Variants in E2F3 observed in about 807,000 individuals in gnomAD.
E2F3 encodes E2F transcription factor 3.
A neutral mutation model predicts 44.4 loss-of-function variants in E2F3; 11 were observed. That is an observed-to-expected ratio of 0.25 (90% confidence interval 0.16 to 0.41). The LOEUF is 0.41. Among genes scored for constraint, E2F3 ranks in the 10% least tolerant of loss-of-function variants. The probability of loss-of-function intolerance (pLI) is 1.00; values close to 1 mark genes in which losing one functional copy is unlikely to be tolerated. For missense variants in E2F3, 487 were observed against 583.6 expected (o/e 0.83, Z 1.70); for synonymous variants, 249 against 253.0 (o/e 0.98, Z 0.15).
In E2F3 at chr6:20,402,843, G is replaced by A. The variant is rs184141332; in HGVS notation, c.393+218G>A. Reference sequence around the variant, plus strand: ...TCGGCCAGGCGCGCGGGGCGGCGGGGATTGCCTTGGCGCGAACCACATCAA... The same window carrying A: ...TCGGCCAGGCGCGCGGGGCGGCGGGAATTGCCTTGGCGCGAACCACATCAA... On this transcript the variant is annotated intron_variant, in intron 1 of 6. Coordinates refer to ENST00000346618, the MANE Select transcript of E2F3 (RefSeq NM_001949.5). The surrounding 1 kb of genome is among the most constrained non-coding windows in gnomAD (Gnocchi z 5.6). Among the ~76,000 whole-genome samples the A allele has an allele frequency of 3.7e-3, 569 of 152,256 alleles. 2 individuals are homozygous for A. The highest frequency in any genetic ancestry group is 0.013 in the African/African-American group (554 of 41,564).
At chr6:20,481,504 C>A in intron 3 of E2F3, 79 bp downstream of exon 3, 1 of 1,213,442 alleles carries the variant, frequency 8.2e-7, no homozygotes, top group South Asian at 1.3e-5. Flanking sequence ...CTCACTTTCA[C>A]ATCCACGCCC....
rs1359284043 is a variant in E2F3 at position 20,402,532 on chromosome 6, C to G, written c.300C>G (p.Tyr100Ter). 6.3e-7 allele frequency: 1 copy of G among 1,597,160 alleles called. No homozygotes were observed. The highest frequency in any genetic ancestry group is 8.5e-7 in the Non-Finnish European group (1 of 1,177,966). The change falls in exon 1 of 7, where the codon TAC becomes TAG. Residue 100 changes from tyrosine (Y) to a stop codon, truncating the protein, a stop_gained. Coordinates refer to ENST00000346618, the MANE Select transcript of E2F3 (RefSeq NM_001949.5). LOFTEE classifies it high-confidence loss of function. The surrounding 1 kb of genome is among the most constrained non-coding windows in gnomAD (Gnocchi z 5.6). Reference protein sequence around the residue: ...GAEQTAGSLLYTTPHGPSSRA... With the variant: ...GAEQTAGSLL ...AGCAGACCGCCGGCAGCCTCCTCTA[C>G]ACCACGCCGCACGGACCCTCCAGCA...
Position 20,486,764 on chromosome 6 carries a change from C to G in E2F3, c.960C>G (p.Ala320=). ...LKDQTVIVVK[A]PPETRLEVPD... is the part of the protein sequence containing the mutation. ...ACCAAACTGTTATAGTTGTGAAAGC[C>G]CCTCCAGAAACAAGACTTGAAGTGC... The change falls in exon 5 of 7, where the codon GCC becomes GCG. Residue 320 remains alanine, a synonymous_variant. Coordinates refer to ENST00000346618, the MANE Select transcript of E2F3 (RefSeq NM_001949.5). 1 of 1,613,312 alleles carries G rather than the reference C, an allele frequency of 6.2e-7. No individual in the cohort carries two copies. The highest frequency in any genetic ancestry group is 8.5e-7 in the Non-Finnish European group (1 of 1,179,752).
At chr6:20,423,650 T>C (rs984729787) in intron 1 of E2F3, among the ~76,000 whole-genome samples, 3 of 151,990 alleles carry the variant, frequency 2.0e-5, no homozygotes, top group Non-Finnish European at 2.9e-5. Flanking sequence ...TTTGTATTTT[T>C]AGTAGAGACA....
intron 1 of E2F3, among the ~76,000 whole-genome samples, chr6:20,420,559 C>T (rs78058695): frequency 0.18 from 28,086 of 152,106 alleles, 3,093 homozygotes; most frequent in South Asian, 0.32. Flanking sequence ...CATATGGAGT[C>T]TTTGGTTTCC....
intron 3 of E2F3, among the ~76,000 whole-genome samples, chr6:20,482,343 T>C (rs1762251662): frequency 2.0e-5 from 1 of 50,660 alleles, no homozygotes; most frequent in African/African-American, 6.9e-5. Flanking sequence ...TGTTTTTTTG[T>C]TTTTTTTTTT....
intron 1 of E2F3, among the ~76,000 whole-genome samples, chr6:20,425,174 G>T (rs1236634282): frequency 6.6e-6 from 1 of 152,182 alleles, no homozygotes; most frequent in Non-Finnish European, 1.5e-5. Flanking sequence ...TACAAGTCAA[G>T]TTGGGACCAC....
intron 1 of E2F3, among the ~76,000 whole-genome samples, chr6:20,407,919 A>G (rs1759544139): frequency 6.6e-6 from 1 of 152,234 alleles, no homozygotes; most frequent in South Asian, 2.1e-4. Flanking sequence ...AAGCCACCTG[A>G]AAGGTGGTAA....
chr6:20,490,208 T>G lies in E2F3; in HGVS notation c.1176T>G (p.Val392=). Reference sequence around the variant, plus strand: ...ACTCAGGACATAGCGATTGCTCAGTTTCTATGGGAAACCTTTCTCCTCTGG... The same window carrying G: ...ACTCAGGACATAGCGATTGCTCAGTGTCTATGGGAAACCTTTCTCCTCTGG... ...STNSGHSDCS[V]SMGNLSPLAS... is the part of the protein sequence containing the mutation. Residue 392 remains valine, a synonymous_variant, in exon 7 of 7, where the codon GTT becomes GTG. Transcript: ENST00000346618. The surrounding 1 kb of genome is among the most constrained non-coding windows in gnomAD (Gnocchi z 4.3). 2 of 1,613,956 alleles carry G rather than the reference T, an allele frequency of 1.2e-6. No homozygotes were observed. The highest frequency in any genetic ancestry group is 1.7e-6 in the Non-Finnish European group (2 of 1,179,944).
At chr6:20,446,632 C>T (rs1286394803) in intron 1 of E2F3, among the ~76,000 whole-genome samples, 1 of 152,216 alleles carries the variant, frequency 6.6e-6, no homozygotes, top group Non-Finnish European at 1.5e-5. Flanking sequence ...GTGGTGCAAT[C>T]TTGGCTCCCT....
At chr6:20,429,433 G>A (rs1431689224) in intron 1 of E2F3, among the ~76,000 whole-genome samples, 2 of 152,022 alleles carry the variant, frequency 1.3e-5, no homozygotes, top group East Asian at 1.9e-4. Context: ...CGGTGTATTC[G>A]CACTATGTTA....
chr6:20,440,380 A>G (rs947095958), intron 1 of E2F3, among the ~76,000 whole-genome samples: 1 of 152,244 alleles, frequency 6.6e-6, no homozygotes, highest in Non-Finnish European at 1.5e-5. Context: ...TTTTAACTTT[A>G]GCCCCAGCCT....
intron 1 of E2F3, among the ~76,000 whole-genome samples, chr6:20,471,749 T>C (rs1761897654): frequency 6.6e-6 from 1 of 152,146 alleles, no homozygotes; most frequent in Non-Finnish European, 1.5e-5. Flanking sequence ...TGTAGACACA[T>C]TGCTTTTTCA....
rs570543556 is a variant in E2F3 at position 20,491,446 on chromosome 6, G to A, written c.*1016G>A. The A allele has an allele frequency of 5.4e-5, 12 of 224,002 alleles. No homozygotes were observed. The East Asian group carries it at 5.8e-4, about 11-fold the overall frequency. 13.9% of individuals were successfully genotyped at this position (224,002 alleles called of 1,614,324 possible). On this transcript the variant is annotated 3_prime_UTR_variant, in exon 7 of 7. Transcript: ENST00000346618. ...TCCCATCGTGCTTCCATTCCCAGGAGGGGGAGCTTGGAGCGAGTCAGTCCT... is the reference window on the plus strand; with the variant it reads ...TCCCATCGTGCTTCCATTCCCAGGAAGGGGAGCTTGGAGCGAGTCAGTCCT...
At chr6:20,437,144 A>G (rs1760613984) in intron 1 of E2F3, among the ~76,000 whole-genome samples, 1 of 151,866 alleles carries the variant, frequency 6.6e-6, no homozygotes, top group Non-Finnish European at 1.5e-5. Flanking sequence ...ATTTAAAGTC[A>G]TTATTCCCAG....
At chr6:20,472,014 GC>G (rs371277694) in intron 1 of E2F3, among the ~76,000 whole-genome samples, 1 of 126,586 alleles carries the variant, frequency 7.9e-6, no homozygotes, top group Non-Finnish European at 1.6e-5. Flanking sequence ...ACTCCAGCCT[GC>G]CCCCCCTCCA....
chr6:20,428,372 G>A (rs1001243712), intron 1 of E2F3, among the ~76,000 whole-genome samples: 1 of 152,100 alleles, frequency 6.6e-6, no homozygotes, highest in African/African-American at 2.4e-5. Context: ...ATAGGCATAT[G>A]CCACCATGCC....
At chr6:20,455,847 G>C (rs1761293459) in intron 1 of E2F3, among the ~76,000 whole-genome samples, 1 of 152,022 alleles carries the variant, frequency 6.6e-6, no homozygotes, top group South Asian at 2.1e-4. Flanking sequence ...ACCAACCCTT[G>C]GGAACCCAGG....
chr6:20,480,519 T>C (rs903206897), intron 2 of E2F3, among the ~76,000 whole-genome samples: 16 of 152,226 alleles, frequency 1.1e-4, no homozygotes, highest in African/African-American at 3.9e-4. Context: ...TTAGACTTTG[T>C]TCTCTCTCTT....
Sources: allele counts gnomAD v4.1 joint callset (sites outside exome capture counted in the v4.1 genomes callset), GRCh38; gene constraint gnomAD v4.1.1; non-coding constraint Gnocchi (gnomAD v3.1); transcripts MANE v1.5; gene names NCBI Gene and HGNC (gene_info 2026-07-23, HGNC 2026-07-21).